FGF12: variants seen among roughly 807,000 people sequenced by gnomAD.
FGF12 encodes the protein fibroblast growth factor 12.
FGF12 carries 14 observed loss-of-function variants against 23.6 expected under a neutral mutation model. The ratio of observed to expected loss-of-function variants is 0.59; its 90% CI spans 0.39 to 0.93. FGF12 has a LOEUF of 0.93. Among genes scored for constraint, FGF12 ranks in the 40% least tolerant of loss-of-function variants. The pLI, the probability that FGF12 is intolerant of heterozygous loss-of-function variation, is 0.00. For synonymous variants in FGF12, 62 were observed against 77.3 expected (o/e 0.80, Z 1.04); for missense variants, 175 against 217.8 (o/e 0.80, Z 1.24).
At chr3:192,358,312 T>A (rs1335431547) in intron 3 of FGF12, among the ~76,000 whole-genome samples, 1 of 152,048 alleles carries the variant, frequency 6.6e-6, no homozygotes, top group Non-Finnish European at 1.5e-5. Context: ...GATAAACTTG[T>A]ATTAATCTAT....
intron 2 of FGF12, among the ~76,000 whole-genome samples, chr3:192,610,144 A>G (rs1201375818): frequency 6.6e-6 from 1 of 152,106 alleles, no homozygotes; most frequent in Non-Finnish European, 1.5e-5. Context: ...TAAGGATCAC[A>G]GAATCACAGA....
intron 4 of FGF12, among the ~76,000 whole-genome samples, chr3:192,188,490 C>T (rs891679809): frequency 6.6e-6 from 1 of 152,146 alleles, no homozygotes; most frequent in Non-Finnish European, 1.5e-5. Context: ...TTATGGGTCC[C>T]ATGATTCTTA....
intron 3 of FGF12, among the ~76,000 whole-genome samples, chr3:192,344,931 C>A (rs1337103550): frequency 6.6e-6 from 1 of 152,184 alleles, no homozygotes; most frequent in Non-Finnish European, 1.5e-5. Flanking sequence ...ATTTGTCTTA[C>A]ACAGACTTGT....
intron 5 of FGF12, among the ~76,000 whole-genome samples, chr3:192,158,314 C>CTCTTTCTTTCTTTCTCTT (rs1346665014): frequency 2.5e-5 from 3 of 120,674 alleles, no homozygotes; most frequent in East Asian, 2.6e-4. Context: ...TTTCCCTTTT[C>CTCTTTCTTTCTTTCTCTT]TCTTTCTTTC....
intron 4 of FGF12, among the ~76,000 whole-genome samples, chr3:192,180,712 C>G (rs1373299719): frequency 4.1e-4 from 62 of 152,146 alleles, no homozygotes; most frequent in Non-Finnish European, 4.4e-5. Context: ...TGTATCAACT[C>G]CCATGAAGTC....
At chr3:192,243,319 A>G (rs1719716101) in intron 4 of FGF12, among the ~76,000 whole-genome samples, 1 of 152,062 alleles carries the variant, frequency 6.6e-6, no homozygotes, top group Non-Finnish European at 1.5e-5. Flanking sequence ...AAGAAGAGGT[A>G]GACTTGCTGT....
chr3:192,421,091 C>G (rs1219530254), intron 2 of FGF12, among the ~76,000 whole-genome samples: 1 of 152,136 alleles, frequency 6.6e-6, no homozygotes, highest in Non-Finnish European at 1.5e-5. Flanking sequence ...CTTTAAAAGG[C>G]AACCATCCCA....
chr3:192,518,499 C>T (rs1048487724), intron 2 of FGF12, among the ~76,000 whole-genome samples: 5 of 152,126 alleles, frequency 3.3e-5, no homozygotes, highest in African/African-American at 1.2e-4. Context: ...TTGGCATCAG[C>T]TGTGCAATTA....
In FGF12 at chr3:192,159,126, C is replaced by A. The variant is rs528087190; in HGVS notation, c.427+11332G>T. On this transcript the variant is annotated intron_variant, in intron 5 of 5. Transcript: ENST00000445105. ...ACTTCCTTTTTATAGCAGCAGTTCT[C>A]AAAAGAACTTTAATATTCAATATTA... 9.8e-5 allele frequency among the ~76,000 whole-genome samples: 15 copies of A among 152,318 alleles called. No individual in the cohort carries two copies. In the South Asian group the frequency reaches 2.7e-3, roughly 27 times the overall value.
At chr3:192,416,670 T>C (rs778616550) in intron 2 of FGF12, among the ~76,000 whole-genome samples, 17 of 152,092 alleles carry the variant, frequency 1.1e-4, no homozygotes, top group Non-Finnish European at 1.9e-4. Flanking sequence ...ATTAAAAACA[T>C]TGAAGAATTC....
intron 2 of FGF12, among the ~76,000 whole-genome samples, chr3:192,670,203 C>A (rs1218494418): frequency 6.6e-6 from 1 of 152,016 alleles, no homozygotes; most frequent in East Asian, 1.9e-4. Flanking sequence ...TTAAAAGAGA[C>A]TTATAAAATA....
chr3:192,690,876 G>A (rs1342730963), intron 2 of FGF12, among the ~76,000 whole-genome samples: 2 of 152,010 alleles, frequency 1.3e-5, no homozygotes, highest in East Asian at 1.9e-4. Context: ...CTTAAAGAGA[G>A]CAGAGGTAGC....
chr3:192,141,274 A>G lies in FGF12; in HGVS notation c.*2735T>C, dbSNP rs1356194790. 6.6e-6 allele frequency: 1 copy of G among 151,898 alleles called. No homozygotes were observed. Among genetic ancestry groups the G allele is most frequent in the Non-Finnish European group, 1.5e-5 (1 of 67,854 alleles). 9.4% of individuals were successfully genotyped at this position (151,898 alleles called of 1,614,324 possible). A position where few individuals can be genotyped will look rare whatever the true frequency, so the allele number is the denominator to read the frequency against. On this transcript the variant is annotated 3_prime_UTR_variant, in exon 6 of 6. Transcript: ENST00000445105. ...CTGAAAAACAAAGTACTTAAACTCAACCATATTTTTGGATGAAGTTGGATA... is the reference window on the plus strand; with the variant it reads ...CTGAAAAACAAAGTACTTAAACTCAGCCATATTTTTGGATGAAGTTGGATA...
At chr3:192,173,843 C>T (rs1412556692) in intron 4 of FGF12, among the ~76,000 whole-genome samples, 4 of 152,166 alleles carry the variant, frequency 2.6e-5, no homozygotes, top group African/African-American at 9.7e-5. Flanking sequence ...TATGAATGTA[C>T]ATCACAGAAA....
At chr3:192,479,375 T>A (rs1436880110) in intron 2 of FGF12, among the ~76,000 whole-genome samples, 2 of 152,174 alleles carry the variant, frequency 1.3e-5, no homozygotes, top group African/African-American at 4.8e-5. Flanking sequence ...GAGTCAGGTG[T>A]CATTGAAACA....
intron 2 of FGF12, among the ~76,000 whole-genome samples, chr3:192,635,165 T>G (rs1317513289): frequency 2.0e-5 from 3 of 152,206 alleles, no homozygotes; most frequent in Admixed American, 2.0e-4. Flanking sequence ...TGACGGAGAA[T>G]AATTTTTAAA....
intron 2 of FGF12, among the ~76,000 whole-genome samples, chr3:192,625,526 G>T (rs980450169): frequency 6.6e-6 from 1 of 151,858 alleles, no homozygotes; most frequent in Non-Finnish European, 1.5e-5. Flanking sequence ...ATAAGTTCAG[G>T]CTGTTACTGC....
At chr3:192,522,251 T>C (rs1431537743) in intron 2 of FGF12, among the ~76,000 whole-genome samples, 1 of 151,854 alleles carries the variant, frequency 6.6e-6, no homozygotes, top group Non-Finnish European at 1.5e-5. Context: ...ATTTTCCAAT[T>C]GGGAAAAATA....
At chr3:192,589,955 T>C (rs1713552100) in intron 2 of FGF12, among the ~76,000 whole-genome samples, 1 of 151,996 alleles carries the variant, frequency 6.6e-6, no homozygotes, top group South Asian at 2.1e-4. Flanking sequence ...ACTCTTATCT[T>C]CCTTCTCTAC....
Sources: allele counts gnomAD v4.1 joint callset (sites outside exome capture counted in the v4.1 genomes callset), GRCh38; gene constraint gnomAD v4.1.1; transcripts MANE v1.5; gene names NCBI Gene and HGNC (gene_info 2026-07-23, HGNC 2026-07-21).